The following NEXMIF variants were observed in gnomAD, a reference collection of about 807,000 sequenced individuals.
NEXMIF encodes XLMR protein related to neurite extension.
Under a neutral mutation model 62.1 loss-of-function variants are expected in NEXMIF, and 8 were observed. The observed-to-expected ratio is 0.13, with a 90% CI of 0.08 to 0.23. The LOEUF (loss-of-function observed/expected upper bound fraction) is 0.23, where lower values mean the gene tolerates loss of function less well. Ranked by LOEUF, NEXMIF falls within the 10% of genes least tolerant of loss-of-function variation. The pLI is 1.00. For missense variants in NEXMIF, 976 were observed against 1,113.3 expected, an observed-to-expected ratio of 0.88 and a Z score of 1.75; for synonymous variants, 404 against 416.6, an observed-to-expected ratio of 0.97 and a Z score of 0.37.
chrX:74,891,713 G>A (rs1479535391), intron 1 of NEXMIF, among the ~76,000 whole-genome samples: 1 of 112,382 alleles, frequency 8.9e-6, no homozygotes, highest in Non-Finnish European at 1.9e-5. Flanking sequence ...ATCCATTTAG[G>A]AAAGAGTATG....
At position 74,740,296 on chromosome X, in the gene NEXMIF, C is replaced by T. The variant is rs750798131; in HGVS notation, c.4261G>A (p.Asp1421Asn). The T allele has an allele frequency of 5.0e-6, 6 of 1,211,037 alleles. No individual in the cohort carries two copies. The highest frequency in any genetic ancestry group is 6.7e-6 in the Non-Finnish European group (6 of 895,171). ...TTATCAAAGAAGGTAGAGCGAGAGT[C>T]CTCGTTATAACCAGGCATGTTTGCA... Reference protein sequence around the residue: ...GRANMPGYNEDSRSTFFDKKY... With the variant: ...GRANMPGYNENSRSTFFDKKY... The change falls in exon 3 of 4, where the codon GAC becomes AAC. Residue 1421 changes from aspartate (D) to asparagine (N), a missense_variant. Around this residue, in one of 5 missense-constraint regions of NEXMIF, gnomAD observed 137 missense variants for 128.9 expected, o/e 1.06. Transcript: ENST00000055682.
chrX:74,773,838 G>T (rs186016276), intron 1 of NEXMIF, among the ~76,000 whole-genome samples: 3 of 99,640 alleles, frequency 3.0e-5, no homozygotes, highest in African/African-American at 1.1e-4. Context: ...GATCCTGGGA[G>T]GCAGAGGTTG....
intron 1 of NEXMIF, among the ~76,000 whole-genome samples, chrX:74,816,181 C>T (rs970593419): frequency 6.3e-5 from 7 of 111,905 alleles, no homozygotes; most frequent in East Asian, 5.6e-4. Context: ...CTCCAGAGTA[C>T]GTACTACCTT....
intron 1 of NEXMIF, among the ~76,000 whole-genome samples, chrX:74,765,549 G>A (rs976135547): frequency 2.7e-5 from 3 of 111,730 alleles, no homozygotes; most frequent in Non-Finnish European, 3.8e-5. Context: ...GTTTGTTTAC[G>A]TATTGGCTGG....
chrX:74,761,330 G>A (rs763901439), intron 1 of NEXMIF, among the ~76,000 whole-genome samples: 1 of 111,987 alleles, frequency 8.9e-6, no homozygotes, highest in South Asian at 3.7e-4. Context: ...GAACTTGGCT[G>A]TGAATCGACC....
intron 1 of NEXMIF, among the ~76,000 whole-genome samples, chrX:74,878,181 T>C (rs1042311281): frequency 9.0e-6 from 1 of 111,118 alleles, no homozygotes; most frequent in Non-Finnish European, 1.9e-5. Flanking sequence ...TGGATGTCCT[T>C]TCTGTTTGTT....
chrX:74,785,221 C>A (rs2080257115), intron 1 of NEXMIF, among the ~76,000 whole-genome samples: 1 of 111,306 alleles, frequency 9.0e-6, no homozygotes, highest in Non-Finnish European at 1.9e-5. Flanking sequence ...TTGGGGGCCA[C>A]CAGTACATTG....
chrX:74,848,847 C>T (rs1469301677), intron 1 of NEXMIF, among the ~76,000 whole-genome samples: 9 of 111,473 alleles, frequency 8.1e-5, no homozygotes, highest in Non-Finnish European at 1.5e-4. Flanking sequence ...ATAAAAGAGA[C>T]CCCAGAGAGT....
At chrX:74,876,134 A>G (rs1409676315) in intron 1 of NEXMIF, among the ~76,000 whole-genome samples, 2 of 111,034 alleles carry the variant, frequency 1.8e-5, no homozygotes, top group Non-Finnish European at 3.8e-5. Flanking sequence ...ATTTAGTGCT[A>G]TAAATTTCCC....
chrX:74,750,265 A>T (rs1201727797), intron 1 of NEXMIF, among the ~76,000 whole-genome samples: 1 of 112,067 alleles, frequency 8.9e-6, no homozygotes, highest in Non-Finnish European at 1.9e-5. Flanking sequence ...TAGTCAGAAT[A>T]TAGAGAGAAA....
intron 1 of NEXMIF, among the ~76,000 whole-genome samples, chrX:74,763,428 T>G (rs188415336): frequency 8.9e-6 from 1 of 112,011 alleles, no homozygotes; most frequent in East Asian, 2.8e-4. Context: ...TCTTTTGGCT[T>G]AGGATTGTCT....
chrX:74,840,030 AAT>A (rs1197080103), intron 1 of NEXMIF, among the ~76,000 whole-genome samples: 1 of 111,862 alleles, frequency 8.9e-6, no homozygotes, highest in Non-Finnish European at 1.9e-5. Flanking sequence ...CACACTCACC[AAT>A]AGTGTATAAG....
chrX:74,892,756 A>G (rs1332808389), intron 1 of NEXMIF, among the ~76,000 whole-genome samples: 3 of 112,243 alleles, frequency 2.7e-5, no homozygotes, highest in African/African-American at 9.7e-5. Flanking sequence ...TTAATACGCC[A>G]TCTGCCTGCC....
intron 1 of NEXMIF, among the ~76,000 whole-genome samples, chrX:74,855,607 A>G (rs1434885556): frequency 8.9e-6 from 1 of 112,056 alleles, no homozygotes; most frequent in Non-Finnish European, 1.9e-5. Flanking sequence ...GGCTGGGTGC[A>G]TGCACAGGAA....
Position 74,890,070 on chromosome X carries a change from C to T in NEXMIF, c.-48+34813G>A, listed in dbSNP as rs986307076. Among the ~76,000 whole-genome samples the T allele has an allele frequency of 3.6e-4, 38 of 106,260 alleles. No homozygotes were observed. The Admixed American group carries it at 3.8e-3, about 11-fold the overall frequency. The allele number at this position is 106,260 out of a possible 115,157, so 92.3% of individuals were successfully genotyped here. On this transcript the variant is annotated intron_variant, in intron 1 of 3. Coordinates refer to ENST00000055682, the MANE Select transcript of NEXMIF (RefSeq NM_001008537.3). ...TACCAAATCGGTACTTAGTTTCTTC[C>T]TTCTCCCTGTAGCTCAATACAACAC... is the stretch of plus-strand genomic sequence containing the variant.
intron 1 of NEXMIF, among the ~76,000 whole-genome samples, chrX:74,849,706 C>T (rs931549859): frequency 5.3e-5 from 6 of 112,407 alleles, no homozygotes; most frequent in Middle Eastern, 9.3e-3. Flanking sequence ...AAGCCGTTGG[C>T]GTGACCCTGC....
At chrX:74,823,476 TG>T (rs1373553094) in intron 1 of NEXMIF, among the ~76,000 whole-genome samples, 3 of 111,950 alleles carry the variant, frequency 2.7e-5, no homozygotes, top group Non-Finnish European at 3.8e-5. Flanking sequence ...TTGTGACATC[TG>T]AATGCTAAAC....
At chrX:74,892,962 T>C (rs2080722670) in intron 1 of NEXMIF, among the ~76,000 whole-genome samples, 1 of 112,035 alleles carries the variant, frequency 8.9e-6, no homozygotes, top group Non-Finnish European at 1.9e-5. Context: ...AATATGTATG[T>C]ATAGAAAAAG....
intron 1 of NEXMIF, among the ~76,000 whole-genome samples, chrX:74,777,065 G>A (rs1052018015): frequency 8.9e-6 from 1 of 111,805 alleles, no homozygotes; most frequent in Non-Finnish European, 1.9e-5. Flanking sequence ...CCCCTCTAAT[G>A]ATAAGGATAT....
Sources: allele counts gnomAD v4.1 joint callset (sites outside exome capture counted in the v4.1 genomes callset), GRCh38; gene constraint gnomAD v4.1.1; regional missense constraint gnomAD v4.1.1; transcripts MANE v1.5; gene names NCBI Gene and HGNC (gene_info 2026-07-23, HGNC 2026-07-21).